Variants in EEPD1 observed in about 807,000 individuals in gnomAD.
The protein encoded by EEPD1 is endonuclease/exonuclease/phosphatase family domain containing 1.
EEPD1 carries 17 observed loss-of-function variants against 46.3 expected under a neutral mutation model. That is an observed-to-expected ratio of 0.37 (90% CI 0.25 to 0.55). EEPD1 has a LOEUF of 0.55. Among genes scored for constraint, EEPD1 ranks in the 20% least tolerant of loss-of-function variants. The pLI is 0.83. For synonymous variants in EEPD1, 313 were observed against 315.6 expected (o/e 0.99, Z 0.09); for missense variants, 673 against 745.6 (o/e 0.90, Z 1.13).
chr7:36,245,554 G>C (rs766426083), intron 3 of EEPD1, among the ~76,000 whole-genome samples: 9 of 152,136 alleles, frequency 5.9e-5, no homozygotes, highest in Non-Finnish European at 1.0e-4. Flanking sequence ...GCCCCTTGTG[G>C]GATCAGGCTT....
rs1479954601 is a variant in EEPD1 at position 36,225,506 on chromosome 7, C to T, written c.879-13479C>T. On this transcript the variant is annotated intron_variant, in intron 2 of 7. Transcript: ENST00000242108. This position sits in a 1 kb window ranked among gnomAD's most constrained non-coding sequence, Gnocchi z 4.2. Reference sequence around the variant, plus strand: ...GAACAAACTCAGAAAGAGACGGCCACATCTGAGCATACCCTGGGAATAATA... The same window carrying T: ...GAACAAACTCAGAAAGAGACGGCCATATCTGAGCATACCCTGGGAATAATA... Among the ~76,000 whole-genome samples the T allele has an allele frequency of 1.3e-5, 2 of 152,152 alleles. No homozygotes were observed. The highest frequency in any genetic ancestry group is 4.8e-5 in the African/African-American group (2 of 41,420).
chr7:36,289,736 T>C (rs553786631), intron 6 of EEPD1, among the ~76,000 whole-genome samples: 2 of 152,316 alleles, frequency 1.3e-5, no homozygotes, highest in East Asian at 3.9e-4. Flanking sequence ...CCTCGTGATC[T>C]GCCCGCCTCG....
rs546236185 is a variant in EEPD1 at position 36,170,408 on chromosome 7, CAA to C, written c.878+15216_878+15217del. 2.1e-5 allele frequency among the ~76,000 whole-genome samples: 3 copies of C among 141,074 alleles called. No homozygotes were observed. The South Asian group carries it at 6.8e-4, about 32-fold the overall frequency. 92.6% of individuals were successfully genotyped at this position (141,074 alleles called of 152,430 possible). On this transcript the variant is annotated intron_variant, in intron 2 of 7. Transcript: ENST00000242108. ...TGGGTGACAGAGTAAGACTCTGTCTCAAAAAAAAAAAGTATATATTTTGTATA... is the reference window on the plus strand; with the variant it reads ...TGGGTGACAGAGTAAGACTCTGTCTCAAAAAAAAAGTATATATTTTGTATA...
chr7:36,241,500 C>A (rs539033462), intron 3 of EEPD1, among the ~76,000 whole-genome samples: 1 of 150,854 alleles, frequency 6.6e-6, no homozygotes, highest in African/African-American at 2.4e-5. Context: ...AAATAAATAA[C>A]CATCAGACAA....
intron 2 of EEPD1, among the ~76,000 whole-genome samples, chr7:36,180,085 G>T (rs1707475866): frequency 1.3e-5 from 2 of 152,198 alleles, no homozygotes; most frequent in South Asian, 4.1e-4. Context: ...ACAGCATGCA[G>T]GAGCTAGAGA....
At chr7:36,222,482 T>G (rs779290253) in intron 2 of EEPD1, among the ~76,000 whole-genome samples, 1 of 152,210 alleles carries the variant, frequency 6.6e-6, no homozygotes, top group Non-Finnish European at 1.5e-5. Context: ...AAACCTGTAT[T>G]GTTCAAGGGT....
At chr7:36,251,447 A>G (rs1786738127) in intron 3 of EEPD1, among the ~76,000 whole-genome samples, 1 of 152,146 alleles carries the variant, frequency 6.6e-6, no homozygotes, top group Non-Finnish European at 1.5e-5. Flanking sequence ...AGTAGCTGGG[A>G]TTACAGGCAT....
At chr7:36,163,050 A>T (rs1784926050) in intron 2 of EEPD1, among the ~76,000 whole-genome samples, 2 of 151,902 alleles carry the variant, frequency 1.3e-5, no homozygotes, top group African/African-American at 2.4e-5. Context: ...TATCCTGTTT[A>T]AAAAAAACAC....
chr7:36,291,130 G>A (rs1013887916), intron 6 of EEPD1, among the ~76,000 whole-genome samples: 1 of 152,192 alleles, frequency 6.6e-6, no homozygotes, highest in African/African-American at 2.4e-5. Context: ...GACCTTTGCA[G>A]GCCTGCATCC....
chr7:36,217,753 AG>A (rs1212133514), intron 2 of EEPD1, among the ~76,000 whole-genome samples: 1 of 152,124 alleles, frequency 6.6e-6, no homozygotes, highest in Non-Finnish European at 1.5e-5. Context: ...ACAGGGAGAG[AG>A]GGGGGATTGC....
At chr7:36,290,607 G>A (rs903787776) in intron 6 of EEPD1, among the ~76,000 whole-genome samples, 9 of 152,134 alleles carry the variant, frequency 5.9e-5, no homozygotes, top group African/African-American at 2.2e-4. Flanking sequence ...GCAGGCTGAC[G>A]TCAGTGGGGA....
At chr7:36,235,053 G>A (rs1332743758) in intron 2 of EEPD1, among the ~76,000 whole-genome samples, 1 of 142,560 alleles carries the variant, frequency 7.0e-6, no homozygotes, top group Non-Finnish European at 1.5e-5. Context: ...TCCAGCACAG[G>A]TTTCCCCCAC....
chr7:36,207,705 G>T (rs1785846539), intron 2 of EEPD1, among the ~76,000 whole-genome samples: 1 of 152,194 alleles, frequency 6.6e-6, no homozygotes, highest in African/African-American at 2.4e-5. Context: ...GAAATCTGCA[G>T]AATATTTTGA....
chr7:36,170,562 G>A lies in EEPD1; in HGVS notation c.878+15360G>A, dbSNP rs919154999. Reference sequence around the variant, plus strand: ...GCTTCTCTTTGGTTTCATGTTAAAAGTGTCTTTTTTTTTTTTTTTTCAGAG... The same window carrying A: ...GCTTCTCTTTGGTTTCATGTTAAAAATGTCTTTTTTTTTTTTTTTTCAGAG... On this transcript the variant is annotated intron_variant, in intron 2 of 7. Coordinates refer to ENST00000242108, the MANE Select transcript of EEPD1 (RefSeq NM_030636.3). Among the ~76,000 whole-genome samples the A allele has an allele frequency of 3.8e-5, 4 of 104,102 alleles. No homozygotes were observed. In the Admixed American group the frequency reaches 4.0e-4, roughly 10 times the overall value. 68.3% of individuals were successfully genotyped at this position (104,102 alleles called of 152,430 possible).
chr7:36,187,900 G>A (rs1444988030), intron 2 of EEPD1, among the ~76,000 whole-genome samples: 1 of 152,126 alleles, frequency 6.6e-6, no homozygotes, highest in Non-Finnish European at 1.5e-5. Flanking sequence ...GAGTTCAAGC[G>A]ATTCTCCTGC....
At chr7:36,268,769 G>A (rs1336252625) in intron 3 of EEPD1, among the ~76,000 whole-genome samples, 1 of 152,210 alleles carries the variant, frequency 6.6e-6, no homozygotes, top group Non-Finnish European at 1.5e-5. Flanking sequence ...CTTGCTGGGT[G>A]CCAGGCCTGT....
intron 2 of EEPD1, among the ~76,000 whole-genome samples, chr7:36,158,428 G>T (rs977269326): frequency 2.6e-5 from 4 of 152,184 alleles, no homozygotes; most frequent in Non-Finnish European, 4.4e-5. Flanking sequence ...GGGAATAGCT[G>T]GCTGTGAATT....
At chr7:36,275,090 A>T (rs1787163853) in intron 3 of EEPD1, among the ~76,000 whole-genome samples, 1 of 152,238 alleles carries the variant, frequency 6.6e-6, no homozygotes, top group South Asian at 2.1e-4. Flanking sequence ...ACTCATTGTC[A>T]AAGGGAAGTC....
chr7:36,273,320 A>G (rs196579), intron 3 of EEPD1, among the ~76,000 whole-genome samples: 21,358 of 152,040 alleles, frequency 0.14, 1,769 homozygotes, highest in Non-Finnish European at 0.18. Flanking sequence ...AGTGCCTGCC[A>G]TATCCTTGGT....
Sources: gnomAD v4.1 joint callset for allele counts (sites outside exome capture counted in the v4.1 genomes callset) on GRCh38, gnomAD v4.1.1 for gene constraint, Gnocchi (gnomAD v3.1) non-coding constraint, MANE v1.5 for transcripts, NCBI Gene and HGNC (gene_info 2026-07-23, HGNC 2026-07-21) for gene names.